Variants in SUCLG2 observed in about 807,000 individuals in gnomAD.
SUCLG2 encodes succinate-CoA ligase GDP-forming subunit beta, also known as succinate--CoA ligase [GDP-forming] subunit beta, mitochondrial.
In SUCLG2, 42 loss-of-function variants were observed where a neutral mutation model predicts 47.9. The observed-to-expected ratio is 0.88, with a 90% CI of 0.69 to 1.14. The LOEUF is 1.14. Among genes scored for constraint, SUCLG2 ranks in the 50% most tolerant of loss-of-function variants. The pLI, the probability that SUCLG2 is intolerant of heterozygous loss-of-function variation, is 0.00. For missense variants in SUCLG2, 571 were observed against 525.9 expected (o/e 1.09, Z -0.84); for synonymous variants, 195 against 197.3 (o/e 0.99, Z 0.10).
Position 67,375,325 on chromosome 3 carries a change from A to G in SUCLG2, c.*419T>C, listed in dbSNP as rs972488995. 10 of 977,142 alleles carry G rather than the reference A, an allele frequency of 1.0e-5. No individual in the cohort carries two copies. In the African/African-American group the frequency reaches 1.8e-4, roughly 17 times the overall value. The allele number at this position is 977,142 out of a possible 1,614,324, so 60.5% of individuals were successfully genotyped here. On this transcript the variant is annotated 3_prime_UTR_variant, in exon 11 of 11. Transcript: ENST00000307227. ...CTTATGCCTTTTTAGTAATTAATAT[A>G]TTAAATATAATCTTGTCTGAGTTTT...
At chr3:67,554,768 A>G (rs1575774575) in intron 2 of SUCLG2, among the ~76,000 whole-genome samples, 1 of 152,190 alleles carries the variant, frequency 6.6e-6, no homozygotes, top group Non-Finnish European at 1.5e-5. Flanking sequence ...TCATGGTCAT[A>G]CTGGCTACCA....
At chr3:67,524,726 T>C (rs1372997147) in intron 4 of SUCLG2, among the ~76,000 whole-genome samples, 2 of 152,134 alleles carry the variant, frequency 1.3e-5, no homozygotes, top group Non-Finnish European at 2.9e-5. Context: ...GCCTTGGACA[T>C]ATATATACAT....
intron 1 of SUCLG2, among the ~76,000 whole-genome samples, chr3:67,618,222 C>A (rs1017901053): frequency 2.6e-5 from 4 of 152,092 alleles, no homozygotes; most frequent in South Asian, 2.1e-4. Context: ...GAGATTGAGA[C>A]CATCCTGGCC....
At chr3:67,559,592 GGA>G (rs1707253955) in intron 2 of SUCLG2, among the ~76,000 whole-genome samples, 1 of 151,978 alleles carries the variant, frequency 6.6e-6, no homozygotes, top group Non-Finnish European at 1.5e-5. Flanking sequence ...ACTCCAATTC[GGA>G]TTTCAATGCA....
chr3:67,625,030 G>A lies in SUCLG2; in HGVS notation c.85-15434C>T, dbSNP rs568943590. ...ACTATACCCTCTTAAAATCAGAGGA[G>A]CCGAAGAACCTAAGAAACATCAAGA... On this transcript the variant is annotated intron_variant, in intron 1 of 10. Transcript: ENST00000307227. Among the ~76,000 whole-genome samples the A allele has an allele frequency of 5.9e-5, 9 of 152,308 alleles. No individual in the cohort carries two copies. In the East Asian group the frequency reaches 1.4e-3, roughly 23 times the overall value.
chr3:67,401,595 A>AAT (rs1409098244), intron 9 of SUCLG2, among the ~76,000 whole-genome samples: 2 of 149,832 alleles, frequency 1.3e-5, no homozygotes, highest in Admixed American at 6.7e-5. Flanking sequence ...AAAAAAACAA[A>AAT]CTCTACTTGT....
At chr3:67,560,483 C>A (rs983880750) in intron 2 of SUCLG2, among the ~76,000 whole-genome samples, 1 of 152,128 alleles carries the variant, frequency 6.6e-6, no homozygotes, top group South Asian at 2.1e-4. Context: ...CCTGAGTCTG[C>A]CAACCACTAG....
intron 9 of SUCLG2, among the ~76,000 whole-genome samples, chr3:67,486,616 T>A (rs973277377): frequency 6.6e-6 from 1 of 152,198 alleles, no homozygotes; most frequent in Non-Finnish European, 1.5e-5. Flanking sequence ...CATTATTAAC[T>A]CATGCCGAAT....
chr3:67,416,691 C>T (rs940406820), intron 9 of SUCLG2, among the ~76,000 whole-genome samples: 1 of 152,104 alleles, frequency 6.6e-6, no homozygotes, highest in Non-Finnish European at 1.5e-5. Context: ...TAAGAAATTG[C>T]AGGAGATAAT....
At chr3:67,591,355 T>C (rs978560357) in intron 2 of SUCLG2, among the ~76,000 whole-genome samples, 4 of 152,202 alleles carry the variant, frequency 2.6e-5, no homozygotes, top group Admixed American at 6.5e-5. Context: ...GAGTTTTCAA[T>C]GGACTGAGAT....
chr3:67,465,069 T>C (rs1704437114), intron 9 of SUCLG2, among the ~76,000 whole-genome samples: 1 of 152,130 alleles, frequency 6.6e-6, no homozygotes, highest in Non-Finnish European at 1.5e-5. Flanking sequence ...ATCTTCAAGA[T>C]CCCAGAGGCA....
chr3:67,366,712 C>T (rs537245977), intron 10 of SUCLG2, among the ~76,000 whole-genome samples: 1 of 152,268 alleles, frequency 6.6e-6, no homozygotes, highest in African/African-American at 2.4e-5. Flanking sequence ...CAACGTTGAG[C>T]AGAATTTAGC....
At chr3:67,607,726 A>G (rs1700447145) in intron 2 of SUCLG2, among the ~76,000 whole-genome samples, 1 of 152,218 alleles carries the variant, frequency 6.6e-6, no homozygotes, top group African/African-American at 2.4e-5. Flanking sequence ...GGGTGGGGCC[A>G]GGGGGAGATA....
intron 9 of SUCLG2, among the ~76,000 whole-genome samples, chr3:67,444,090 C>T (rs866682023): frequency 0.018 from 1,729 of 95,768 alleles, 1 homozygote; most frequent in African/African-American, 0.061. Context: ...TGGCCAGCCG[C>T]GCCGTCCGGG....
At chr3:67,604,463 G>A (rs1708485012) in intron 2 of SUCLG2, among the ~76,000 whole-genome samples, 1 of 152,148 alleles carries the variant, frequency 6.6e-6, no homozygotes, top group Non-Finnish European at 1.5e-5. Flanking sequence ...TAATCTGACT[G>A]GATTAAAATC....
rs1030782682 is a variant in SUCLG2, at chr3:67,654,603, G to C, written c.-17C>G. ...GGACGCCATCTTAAACAGGAAACTC[G>C]GCACGGGGCAGTAGGGCGGGCGCGG... On this transcript the variant is annotated 5_prime_UTR_variant, in exon 1 of 11. Coordinates refer to ENST00000307227, the MANE Select transcript of SUCLG2 (RefSeq NM_003848.4). 1.6e-5 allele frequency: 20 copies of C among 1,265,934 alleles called. No individual in the cohort carries two copies. The highest frequency in any genetic ancestry group is 3.0e-5 in the African/African-American group (2 of 65,576). 78.4% of individuals were successfully genotyped at this position (1,265,934 alleles called of 1,614,324 possible).
At chr3:67,646,799 T>C (rs1479227200) in intron 1 of SUCLG2, among the ~76,000 whole-genome samples, 1 of 152,144 alleles carries the variant, frequency 6.6e-6, no homozygotes, top group Non-Finnish European at 1.5e-5. Flanking sequence ...ACTCACAGCA[T>C]TGAATCGATG....
chr3:67,521,294 C>G (rs577879914), intron 4 of SUCLG2, among the ~76,000 whole-genome samples: 59 of 152,310 alleles, frequency 3.9e-4, no homozygotes, highest in Middle Eastern at 3.4e-3. Flanking sequence ...CTACCAGGAA[C>G]CTCCGTGATA....
At chr3:67,388,360 C>T (rs1702304243) in intron 10 of SUCLG2, among the ~76,000 whole-genome samples, 1 of 152,196 alleles carries the variant, frequency 6.6e-6, no homozygotes, top group Admixed American at 6.5e-5. Context: ...GTGTCCTTTT[C>T]TTCCTCTTGT....
Sources: gnomAD v4.1 joint callset for allele counts (sites outside exome capture counted in the v4.1 genomes callset) on GRCh38, gnomAD v4.1.1 for gene constraint, MANE v1.5 for transcripts, NCBI Gene and HGNC (gene_info 2026-07-23, HGNC 2026-07-21) for gene names.